CCDC18: variants seen among roughly 807,000 people sequenced by gnomAD.
CCDC18 encodes the protein coiled-coil domain containing 18, also known as coiled-coil domain-containing protein 18.
In CCDC18, 157 loss-of-function variants were observed where a neutral mutation model predicts 196.0. The ratio of observed to expected loss-of-function variants is 0.80; its 90% CI spans 0.70 to 0.91. CCDC18 has a LOEUF of 0.91. Ranked by LOEUF, CCDC18 falls within the 40% of genes least tolerant of loss-of-function variation. The pLI is 0.00. For synonymous variants in CCDC18, 482 were observed against 529.2 expected, an observed-to-expected ratio of 0.91 and a Z score of 1.22; for missense variants, 1,465 against 1,611.6, an observed-to-expected ratio of 0.91 and a Z score of 1.56.
intron 23 of CCDC18, among the ~76,000 whole-genome samples, chr1:93,250,219 A>C (rs1662043278): frequency 6.6e-6 from 1 of 151,916 alleles, no homozygotes. Flanking sequence ...TCTCTACAAA[A>C]AGTGAAAAAA....
chr1:93,238,207 C>A (rs1350112718), intron 19 of CCDC18, among the ~76,000 whole-genome samples: 1 of 152,092 alleles, frequency 6.6e-6, no homozygotes, highest in Non-Finnish European at 1.5e-5. Flanking sequence ...TGTTTTATAT[C>A]TACTTTAATA....
At chr1:93,219,743 G>A (rs77005307) in intron 14 of CCDC18, among the ~76,000 whole-genome samples, 3,795 of 152,262 alleles carry the variant, frequency 0.025, 133 homozygotes, top group African/African-American at 0.081. Context: ...GTGAAACCAC[G>A]AATACCACAG....
upstream of CCDC18, chr1:93,179,952 TCAC>T (rs1649237828): frequency 3.8e-6 from 5 of 1,305,548 alleles, no homozygotes; most frequent in Admixed American, 2.6e-5. Flanking sequence ...CCTCGCCTCT[TCAC>T]CACCAGGGCC....
intron 4 of CCDC18, chr1:93,191,022 C>A: frequency 1.0e-6 from 1 of 993,070 alleles, no homozygotes; most frequent in Non-Finnish European, 1.6e-6. Flanking sequence ...TGCCACACTT[C>A]TTACAGAAAG....
intron 4 of CCDC18, among the ~76,000 whole-genome samples, 196 bp from the exon 5 acceptor site, chr1:93,191,804 G>A (rs1443364407): frequency 6.6e-6 from 1 of 152,138 alleles, no homozygotes; most frequent in South Asian, 2.1e-4. Context: ...AATGCCAGGA[G>A]CTTACATGCC....
intron 27 of CCDC18, among the ~76,000 whole-genome samples, chr1:93,266,533 T>A (rs563760655): frequency 4.2e-4 from 63 of 151,720 alleles, no homozygotes; most frequent in Non-Finnish European, 7.4e-4. Flanking sequence ...TCAACAAAAT[T>A]GATAGACCGC....
chr1:93,264,043 A>T (rs1376848866), intron 26 of CCDC18, among the ~76,000 whole-genome samples: 1 of 152,120 alleles, frequency 6.6e-6, no homozygotes, highest in Non-Finnish European at 1.5e-5. Flanking sequence ...GGGAGGCCTC[A>T]GGAAAATTAC....
intron 27 of CCDC18, among the ~76,000 whole-genome samples, chr1:93,268,206 A>G (rs1057251241): frequency 4.6e-5 from 7 of 152,310 alleles, no homozygotes; most frequent in South Asian, 2.1e-4. Flanking sequence ...ATGGTGCTGG[A>G]AAAACTGGCT....
At chr1:93,250,524 T>A (rs1340137581) in intron 23 of CCDC18, among the ~76,000 whole-genome samples, 1 of 152,200 alleles carries the variant, frequency 6.6e-6, no homozygotes, top group African/African-American at 2.4e-5. Flanking sequence ...TTGATTTTTT[T>A]AATCTGGACA....
chr1:93,186,826 T>C (rs990460398), intron 4 of CCDC18, among the ~76,000 whole-genome samples: 4 of 152,034 alleles, frequency 2.6e-5, no homozygotes, highest in Admixed American at 1.3e-4. Context: ...ATTGTCATTG[T>C]TGAAAATTTT....
chr1:93,207,107 G>T lies in CCDC18; in HGVS notation c.918G>T (p.Arg306Ser). 7.1e-7 allele frequency: 1 copy of T among 1,402,410 alleles called. No homozygotes were observed. Among genetic ancestry groups the T allele is most frequent in the South Asian group, 1.4e-5 (1 of 71,336 alleles). The allele number at this position is 1,402,410 out of a possible 1,614,324, so 86.9% of individuals were successfully genotyped here. A position where few individuals can be genotyped will look rare whatever the true frequency, so the allele number is the denominator to read the frequency against. ...SELEILKEKL[R>S]QLKEENNNGK... is the part of the protein sequence containing the mutation. ...CATTTTTATTCTCTTTTCTTCATAG[G>T]CAGTTAAAAGAAGAAAATAACAACG... Residue 306 changes from arginine to serine, a missense_variant and splice_region_variant, in exon 9 of 29, where the codon AGG becomes AGT. Transcript: ENST00000690025.
In CCDC18 at chr1:93,214,976, G is replaced by T; in HGVS notation, c.1719+10G>T. 1.3e-6 allele frequency: 2 copies of T among 1,549,808 alleles called. No individual in the cohort carries two copies. Among genetic ancestry groups the T allele is most frequent in the South Asian group, 2.3e-5 (2 of 85,816 alleles). On this transcript the variant is annotated intron_variant, in intron 12 of 28. Coordinates refer to ENST00000690025, the MANE Select transcript of CCDC18 (RefSeq NM_001378204.1). ...CAAACTGGAAAGTGAAGTAAGCTTG[G>T]AATTAGCTTGGTATATATGTTAATT...
intron 6 of CCDC18, among the ~76,000 whole-genome samples, chr1:93,201,173 T>C (rs1370133366): frequency 6.6e-6 from 1 of 152,170 alleles, no homozygotes; most frequent in African/African-American, 2.4e-5. Context: ...ATCTAGACTA[T>C]AAATAGAGTA....
At chr1:93,181,980 A>G (rs1466931430) in intron 1 of CCDC18, among the ~76,000 whole-genome samples, 1 of 152,248 alleles carries the variant, frequency 6.6e-6, no homozygotes, top group South Asian at 2.1e-4. Flanking sequence ...GATGAAATAT[A>G]TAGTACCAAA....
chr1:93,237,619 T>C (rs1242444360), intron 19 of CCDC18, among the ~76,000 whole-genome samples: 1 of 152,202 alleles, frequency 6.6e-6, no homozygotes, highest in Non-Finnish European at 1.5e-5. Context: ...ATAGCTCTTG[T>C]ACCACAGGGT....
At chr1:93,248,482 T>C (rs1282664029) in intron 23 of CCDC18, among the ~76,000 whole-genome samples, 1 of 152,234 alleles carries the variant, frequency 6.6e-6, no homozygotes. Flanking sequence ...TTTGTGTATG[T>C]TGAACCATCT....
chr1:93,222,068 C>A lies in CCDC18; in HGVS notation c.2175+132C>A, dbSNP rs1214640386. 15 of 579,412 alleles carry A rather than the reference C, an allele frequency of 2.6e-5. No homozygotes were observed. In the Admixed American group the frequency reaches 4.2e-4, roughly 16 times the overall value. 35.9% of individuals were successfully genotyped at this position (579,412 alleles called of 1,614,324 possible). ...CACTGCAACCTTGAACTCCTGAGCT[C>A]AAGTAATCCTCCCACATGAGCCTCC... On this transcript the variant is annotated intron_variant, in intron 16 of 28. Transcript: ENST00000690025.
At chr1:93,184,940 T>C (rs933033374) in intron 3 of CCDC18, among the ~76,000 whole-genome samples, 3 of 151,952 alleles carry the variant, frequency 2.0e-5, no homozygotes, top group African/African-American at 7.2e-5. Context: ...AAATTGCTGA[T>C]CATTCTTATT....
In CCDC18 at chr1:93,180,764, G is replaced by A; in HGVS notation, c.-91G>A. 7.3e-7 allele frequency: 1 copy of A among 1,367,624 alleles called. No individual in the cohort carries two copies. Among genetic ancestry groups the A allele is most frequent in the South Asian group, 1.1e-5 (1 of 88,048 alleles). 84.7% of individuals were successfully genotyped at this position (1,367,624 alleles called of 1,614,324 possible). On this transcript the variant is annotated 5_prime_UTR_variant, in exon 1 of 29. Transcript: ENST00000690025. ...CTGCCGGGGTTCGCTGGTTCTCCGAGTTGTGTCCGAGGCTTCCACGCGCAG... is the reference window on the plus strand; with the variant it reads ...CTGCCGGGGTTCGCTGGTTCTCCGAATTGTGTCCGAGGCTTCCACGCGCAG...
Sources: gnomAD v4.1 joint callset for allele counts (sites outside exome capture counted in the v4.1 genomes callset) on GRCh38, gnomAD v4.1.1 for gene constraint, MANE v1.5 for transcripts, NCBI Gene and HGNC (gene_info 2026-07-23, HGNC 2026-07-21) for gene names.